The following PSMB3 variants were observed in gnomAD, a reference collection of about 807,000 sequenced individuals.
PSMB3 encodes proteasome 20S subunit beta 3.
In PSMB3, 5 loss-of-function variants were observed where a neutral mutation model predicts 23.3. The observed-to-expected ratio is 0.21, with a 90% confidence interval of 0.11 to 0.45. The LOEUF is 0.45. PSMB3 is among the 20% of genes least tolerant of loss of function. The probability of loss-of-function intolerance (pLI) is 0.99; values close to 1 mark genes in which losing one functional copy is unlikely to be tolerated. For missense variants in PSMB3, 192 were observed against 277.9 expected (o/e 0.69, Z 2.20); for synonymous variants, 85 against 99.8 (o/e 0.85, Z 0.88).
intron 3 of PSMB3, among the ~76,000 whole-genome samples, chr17:38,759,109 T>C (rs1908329313): frequency 6.6e-6 from 1 of 152,236 alleles, no homozygotes. Context: ...TCTCTTTTAC[T>C]GACTCTTTCT....
rs1403326134 is a variant in PSMB3 at position 38,753,121 on chromosome 17, C to T, written c.4-29C>T. On this transcript the variant is annotated intron_variant, in intron 1 of 5. Transcript: ENST00000619426. ...GGCTGTGGCAGCGTTTGACCCCCCG[C>T]GCTGACCCCTCCGCTCTGTCTGTCC... 2.5e-6 allele frequency: 4 copies of T among 1,583,498 alleles called. No individual in the cohort carries two copies. In the South Asian group the frequency reaches 3.4e-5, roughly 14 times the overall value.
intron 2 of PSMB3, 151 bp from the exon 3 acceptor site, chr17:38,755,732 C>A (rs1908168090): frequency 1.9e-6 from 1 of 525,162 alleles, no homozygotes; most frequent in Non-Finnish European, 3.5e-6. Flanking sequence ...AAAGCAAGCA[C>A]CAGTTGCTAC....
chr17:38,760,787 C>T (rs576698002), intron 4 of PSMB3, among the ~76,000 whole-genome samples, 179 bp downstream of exon 4: 1 of 152,308 alleles, frequency 6.6e-6, no homozygotes, highest in African/African-American at 2.4e-5. Context: ...CTGGCTGGCT[C>T]CAGAGGAGAG....
chr17:38,756,919 G>T (rs925498748), intron 3 of PSMB3, among the ~76,000 whole-genome samples: 1 of 144,376 alleles, frequency 6.9e-6, no homozygotes, highest in Non-Finnish European at 1.5e-5. Flanking sequence ...TTGCTCTGTC[G>T]CCCTGGTGTG....
chr17:38,759,711 A>AT (rs893508780), intron 3 of PSMB3, among the ~76,000 whole-genome samples: 17 of 151,020 alleles, frequency 1.1e-4, no homozygotes, highest in African/African-American at 2.2e-4. Context: ...TGCCCAGCTA[A>AT]TTTTTTTTTG....
intron 2 of PSMB3, 46 bp from the exon 3 acceptor site, chr17:38,755,837 G>C (rs758510525): frequency 1.7e-5 from 26 of 1,512,930 alleles, no homozygotes; most frequent in Middle Eastern, 1.8e-4. Flanking sequence ...TAGACACTCA[G>C]GAATATTCAA....
At position 38,764,123 on chromosome 17, in the gene PSMB3, A is replaced by G. The variant is rs1598036321; in HGVS notation, c.574A>G (p.Lys192Glu). Residue 192 changes from lysine to glutamate, a missense_variant, in exon 6 of 6, where the codon AAG (lysine) becomes GAG (glutamate). By Grantham distance (56) the Lys-to-Glu change is moderately conservative. Coordinates refer to ENST00000619426, the MANE Select transcript of PSMB3 (RefSeq NM_002795.4). ...GMGVIVHIIE[K>E]DKITTRTLKA... ...TGTGATTTTCTCCCTCTGCAGCGAG[A>G]AGGACAAAATCACCACCAGGACACT... The G allele has an allele frequency of 5.0e-6, 8 of 1,614,186 alleles. No homozygotes were observed. The highest frequency in any genetic ancestry group is 2.2e-5 in the East Asian group (1 of 44,884).
chr17:38,763,641 T>TA (rs1908547319), intron 5 of PSMB3, among the ~76,000 whole-genome samples: 1 of 151,624 alleles, frequency 6.6e-6, no homozygotes, highest in Non-Finnish European at 1.5e-5. Flanking sequence ...TAGCTGGGAT[T>TA]ACAGGCACGT....
chr17:38,753,005 G>C, intron 1 of PSMB3, 145 bp from the exon 2 acceptor site: 2 of 1,241,210 alleles, frequency 1.6e-6, no homozygotes, highest in Non-Finnish European at 2.2e-6. Flanking sequence ...CCGCCACACA[G>C]TGCTCATCCC....
chr17:38,755,668 A>ATGTG (rs1298424838), intron 2 of PSMB3, among the ~76,000 whole-genome samples: 34 of 77,722 alleles, frequency 4.4e-4, no homozygotes, highest in African/African-American at 1.4e-3. Flanking sequence ...AAATATATAT[A>ATGTG]TATATATATA....
chr17:38,755,663 T>TA (rs1825588332), intron 2 of PSMB3, among the ~76,000 whole-genome samples: 1 of 95,174 alleles, frequency 1.1e-5, no homozygotes, highest in African/African-American at 4.3e-5. Flanking sequence ...AAAAAAAATA[T>TA]ATATATATAT....
At chr17:38,759,645 T>C (rs1185100366) in intron 3 of PSMB3, among the ~76,000 whole-genome samples, 1 of 151,890 alleles carries the variant, frequency 6.6e-6, no homozygotes, top group African/African-American at 2.4e-5. Flanking sequence ...CCCGGGTTCA[T>C]GCCATTCTCC....
At chr17:38,759,001 G>A (rs561635188) in intron 3 of PSMB3, among the ~76,000 whole-genome samples, 13 of 152,158 alleles carry the variant, frequency 8.5e-5, no homozygotes, top group South Asian at 2.1e-4. Context: ...AGCCAAGATC[G>A]CACCACTGCA....
intron 5 of PSMB3, 81 bp from the exon 6 acceptor site, chr17:38,764,038 G>A: frequency 1.3e-6 from 2 of 1,551,042 alleles, no homozygotes; most frequent in Admixed American, 3.4e-5. Flanking sequence ...TTGAGGGCTT[G>A]GTGCTGAGGG....
chr17:38,756,137 C>T, intron 3 of PSMB3, 147 bp downstream of exon 3: 1 of 677,116 alleles, frequency 1.5e-6, no homozygotes, highest in Non-Finnish European at 2.5e-6. Flanking sequence ...TTTCTTTGGG[C>T]CTGTCTGGCA....
chr17:38,760,701 A>C, intron 4 of PSMB3, 93 bp downstream of exon 4: 1 of 1,422,262 alleles, frequency 7.0e-7, no homozygotes, highest in Non-Finnish European at 9.6e-7. Flanking sequence ...TAATGGGGAG[A>C]ATGGTGCAGG....
chr17:38,763,497 C>CCTT (rs1491096871), intron 5 of PSMB3, among the ~76,000 whole-genome samples: 2 of 76,034 alleles, frequency 2.6e-5, no homozygotes, highest in African/African-American at 1.0e-4. Context: ...CTTCTTCCCC[C>CCTT]TTTTTTTTTT....
chr17:38,755,620 G>T (rs530797896), intron 2 of PSMB3, among the ~76,000 whole-genome samples: 21 of 144,632 alleles, frequency 1.5e-4, no homozygotes, highest in African/African-American at 5.1e-4. Flanking sequence ...CTGCACTCCA[G>T]CCTGGGCGAC....
intron 2 of PSMB3, among the ~76,000 whole-genome samples, chr17:38,755,002 C>CT (rs144817163): frequency 0.1 from 15,163 of 147,762 alleles, 1,263 homozygotes; most frequent in African/African-American, 0.21. Flanking sequence ...GGTGCTGCCC[C>CT]CTTTTTTTTT....
Sources: gnomAD v4.1 joint callset for allele counts (sites outside exome capture counted in the v4.1 genomes callset) on GRCh38, gnomAD v4.1.1 for gene constraint, MANE v1.5 for transcripts, NCBI Gene and HGNC (gene_info 2026-07-23, HGNC 2026-07-21) for gene names.